The following PRKCE variants were observed in gnomAD, a reference collection of about 807,000 sequenced individuals.
PRKCE encodes the protein protein kinase C epsilon, also known as protein kinase C epsilon type.
A neutral mutation model predicts 85.4 loss-of-function variants in PRKCE; 16 were observed. The observed-to-expected ratio is 0.19, with a 90% CI of 0.13 to 0.28. PRKCE has a LOEUF of 0.28. Ranked by LOEUF, PRKCE falls within the 10% of genes least tolerant of loss-of-function variation. PRKCE has a pLI of 1.00. For missense variants in PRKCE, 573 were observed against 975.2 expected (o/e 0.59, Z 5.49); for synonymous variants, 388 against 371.5 (o/e 1.04, Z -0.51).
At chr2:45,899,541 C>G (rs766118979) in intron 2 of PRKCE, among the ~76,000 whole-genome samples, 24 of 152,182 alleles carry the variant, frequency 1.6e-4, no homozygotes, top group Non-Finnish European at 2.8e-4. Context: ...CCCACCATGT[C>G]TGGCTAATTT....
In PRKCE at chr2:46,187,894, T is replaced by C. The variant is rs938407441; in HGVS notation, c.*3013T>C. 1 of 152,614 alleles carries C rather than the reference T, an allele frequency of 6.6e-6. No individual in the cohort carries two copies. Among genetic ancestry groups the C allele is most frequent in the East Asian group, 1.9e-4 (1 of 5,200 alleles). 9.5% of individuals were successfully genotyped at this position (152,614 alleles called of 1,614,324 possible). A position where few individuals can be genotyped will look rare whatever the true frequency, so the allele number is the denominator to read the frequency against. On this transcript the variant is annotated 3_prime_UTR_variant, in exon 15 of 15. Coordinates refer to ENST00000306156, the MANE Select transcript of PRKCE (RefSeq NM_005400.3). ...ATCTCTTGCCATTCATTAGTGTTATTTCATTGTAAACGTTATTGTGCCAAA... is the reference window on the plus strand; with the variant it reads ...ATCTCTTGCCATTCATTAGTGTTATCTCATTGTAAACGTTATTGTGCCAAA...
intron 2 of PRKCE, among the ~76,000 whole-genome samples, chr2:45,891,152 G>A (rs1453573273): frequency 6.6e-6 from 1 of 152,176 alleles, no homozygotes; most frequent in African/African-American, 2.4e-5. Flanking sequence ...CTGGCCTAAT[G>A]GGATATAGAT....
Position 45,907,568 on chromosome 2 carries a change from G to A in PRKCE, c.412+64505G>A, listed in dbSNP as rs2103790330. Among the ~76,000 whole-genome samples, 1 of 152,302 alleles carries A rather than the reference G, an allele frequency of 6.6e-6. No homozygotes were observed. Among genetic ancestry groups the A allele is most frequent in the South Asian group, 2.1e-4 (1 of 4,818 alleles). ...GTGGCATAGCAGGCAGTGAGCGTGT[G>A]CCCAAGCCTGCTTCCCATGTCACGT... On this transcript the variant is annotated intron_variant, in intron 2 of 14. Transcript: ENST00000306156. This position sits in a 1 kb window ranked among gnomAD's most constrained non-coding sequence, Gnocchi z 4.5.
intron 2 of PRKCE, among the ~76,000 whole-genome samples, chr2:45,900,601 A>T (rs1696502649): frequency 6.6e-6 from 1 of 152,328 alleles, no homozygotes; most frequent in South Asian, 2.1e-4. Context: ...GGTGGTTGCC[A>T]TGGGCTAGAG....
intron 2 of PRKCE, among the ~76,000 whole-genome samples, chr2:45,958,292 G>A (rs1370878129): frequency 3.3e-5 from 5 of 150,908 alleles, no homozygotes; most frequent in South Asian, 2.1e-4. Flanking sequence ...GGCAGATCAC[G>A]AGGTCAGGGG....
Position 45,657,469 on chromosome 2 carries a change from A to G in PRKCE, c.348+5021A>G, listed in dbSNP as rs544048328. ...GAGTTAATACATGTACAATGCATAC[A>G]CCAATGCTTGGTCCCTAGTAACTGC... is the stretch of plus-strand genomic sequence containing the variant. On this transcript the variant is annotated intron_variant, in intron 1 of 14. Transcript: ENST00000306156. Among the ~76,000 whole-genome samples the G allele has an allele frequency of 3.8e-4, 58 of 152,292 alleles. 1 individual carries two copies. In the South Asian group the frequency reaches 0.011, roughly 29 times the overall value.
chr2:46,165,865 C>T (rs1250671583), intron 14 of PRKCE, among the ~76,000 whole-genome samples: 1 of 152,228 alleles, frequency 6.6e-6, no homozygotes, highest in African/African-American at 2.4e-5. Flanking sequence ...TAGTTGTCCT[C>T]AGTGAAAGCC....
rs1045162188 is a variant in PRKCE at position 45,673,027 on chromosome 2, C to A, written c.348+20579C>A. Among the ~76,000 whole-genome samples, 21 of 152,232 alleles carry A rather than the reference C, an allele frequency of 1.4e-4. No individual in the cohort carries two copies. The South Asian group carries it at 1.5e-3, about 11-fold the overall frequency. Reference sequence around the variant, plus strand: ...GGGCAGCAGAGCAACAGAGCAAGTCCCTGTCTCTAATAAAAACAAACAAAC... The same window carrying A: ...GGGCAGCAGAGCAACAGAGCAAGTCACTGTCTCTAATAAAAACAAACAAAC... On this transcript the variant is annotated intron_variant, in intron 1 of 14. Transcript: ENST00000306156.
intron 2 of PRKCE, among the ~76,000 whole-genome samples, chr2:45,922,048 A>G (rs569131007): frequency 1.3e-5 from 2 of 152,316 alleles, no homozygotes; most frequent in East Asian, 1.9e-4. Context: ...CCCTTTCTGC[A>G]TAGGGGAATT....
intron 1 of PRKCE, among the ~76,000 whole-genome samples, chr2:45,784,121 C>T (rs953160676): frequency 3.3e-5 from 5 of 152,234 alleles, no homozygotes; most frequent in Admixed American, 1.3e-4. Flanking sequence ...GAAGTGTGCT[C>T]ATATTAAAAG....
chr2:45,877,582 A>G (rs1003483105), intron 2 of PRKCE, among the ~76,000 whole-genome samples: 1 of 152,106 alleles, frequency 6.6e-6, no homozygotes, highest in Non-Finnish European at 1.5e-5. Context: ...TAGAAGTTCT[A>G]TTTGGTTCTC....
chr2:45,743,694 G>A (rs1254227471), intron 1 of PRKCE, among the ~76,000 whole-genome samples: 2 of 152,102 alleles, frequency 1.3e-5, no homozygotes, highest in Non-Finnish European at 2.9e-5. Context: ...CTTTTCCCCC[G>A]ACTGCTTCTT....
intron 13 of PRKCE, among the ~76,000 whole-genome samples, chr2:46,157,071 T>C (rs1233168468): frequency 3.3e-5 from 5 of 152,224 alleles, no homozygotes; most frequent in Non-Finnish European, 7.3e-5. Flanking sequence ...CAGGCATATC[T>C]TCATTGGTTC....
chr2:45,681,608 A>G (rs1284499287), intron 1 of PRKCE, among the ~76,000 whole-genome samples: 2 of 152,192 alleles, frequency 1.3e-5, no homozygotes, highest in Non-Finnish European at 1.5e-5. Context: ...ATCTGAAATT[A>G]TATTCCTGAA....
intron 2 of PRKCE, among the ~76,000 whole-genome samples, chr2:45,909,773 A>T (rs1281905225): frequency 6.6e-6 from 1 of 152,166 alleles, no homozygotes; most frequent in Non-Finnish European, 1.5e-5. Flanking sequence ...TGTTCCTAGA[A>T]CATCCCTTCC....
chr2:45,825,673 C>T (rs1289424688), intron 1 of PRKCE, among the ~76,000 whole-genome samples: 1 of 152,108 alleles, frequency 6.6e-6, no homozygotes, highest in Non-Finnish European at 1.5e-5. Context: ...CGCTTGAAGC[C>T]AGGAGTTCGA....
intron 8 of PRKCE, among the ~76,000 whole-genome samples, chr2:46,006,111 G>A (rs560449502): frequency 2.0e-5 from 3 of 152,302 alleles, no homozygotes. Flanking sequence ...TGACACAGAC[G>A]CCAGGATTTC....
intron 10 of PRKCE, among the ~76,000 whole-genome samples, chr2:46,039,548 G>T (rs1359317501): frequency 1.3e-5 from 2 of 151,728 alleles, no homozygotes; most frequent in Non-Finnish European, 2.9e-5. Context: ...GTTTGTTTTA[G>T]TAGAGGGGGA....
intron 1 of PRKCE, among the ~76,000 whole-genome samples, chr2:45,827,128 C>A (rs1279813914): frequency 6.6e-6 from 1 of 152,376 alleles, no homozygotes; most frequent in Admixed American, 6.5e-5. Context: ...CTGCCCTCCA[C>A]ACTCTGCTCC....
Sources: gnomAD v4.1 joint callset for allele counts (sites outside exome capture counted in the v4.1 genomes callset) on GRCh38, gnomAD v4.1.1 for gene constraint, Gnocchi (gnomAD v3.1) non-coding constraint, MANE v1.5 for transcripts, NCBI Gene and HGNC (gene_info 2026-07-23, HGNC 2026-07-21) for gene names.